The following THSD7A variants were observed in gnomAD, a reference collection of about 807,000 sequenced individuals.
THSD7A encodes thrombospondin type-1 domain-containing protein 7A.
THSD7A carries 96 observed loss-of-function variants against 231.3 expected under a neutral mutation model. The observed-to-expected ratio is 0.41, with a 90% CI of 0.35 to 0.49. The LOEUF is 0.49. Ranked by LOEUF, THSD7A falls within the 20% of genes least tolerant of loss-of-function variation. The pLI, the probability that THSD7A is intolerant of heterozygous loss-of-function variation, is 0.05. For synonymous variants in THSD7A, 940 were observed against 743.3 expected (o/e 1.26, Z -4.30); for missense variants, 2,290 against 2,070.2 (o/e 1.11, Z -2.06).
chr7:11,592,951 T>A (rs1780221816), intron 3 of THSD7A, among the ~76,000 whole-genome samples: 1 of 152,120 alleles, frequency 6.6e-6, no homozygotes, highest in Non-Finnish European at 1.5e-5. Context: ...GTTGAGTCAT[T>A]GCAATAGAGA....
At chr7:11,787,544 T>C (rs1286895519) in intron 1 of THSD7A, among the ~76,000 whole-genome samples, 1 of 152,022 alleles carries the variant, frequency 6.6e-6, no homozygotes, top group Non-Finnish European at 1.5e-5. Flanking sequence ...TACAAAGAAC[T>C]CTTAAAGCTC....
At chr7:11,780,923 G>A (rs376172466) in intron 1 of THSD7A, among the ~76,000 whole-genome samples, 13 of 135,676 alleles carry the variant, frequency 9.6e-5, no homozygotes, top group East Asian at 4.7e-4. Flanking sequence ...CCCGGGAAGC[G>A]GAGCTTGCAG....
At position 11,788,840 on chromosome 7, in the gene THSD7A, T is replaced by C. The variant is rs935962084; in HGVS notation, c.190+42917A>G. Among the ~76,000 whole-genome samples the C allele has an allele frequency of 2.6e-5, 4 of 152,020 alleles. No homozygotes were observed. In the South Asian group the frequency reaches 6.2e-4, roughly 24 times the overall value. ...GTTTAAATGAATTAATACATGGCTA[T>C]AGTCAGCACTAAGTACAGACTCAGT... is the stretch of plus-strand genomic sequence containing the variant. On this transcript the variant is annotated intron_variant, in intron 1 of 27. Coordinates refer to ENST00000423059, the MANE Select transcript of THSD7A (RefSeq NM_015204.3).
chr7:11,670,476 G>T (rs997869714), intron 1 of THSD7A, among the ~76,000 whole-genome samples: 1 of 152,214 alleles, frequency 6.6e-6, no homozygotes, highest in Admixed American at 6.6e-5. Context: ...TCAAGAGTTT[G>T]CCTTAGGGCT....
intron 6 of THSD7A, among the ~76,000 whole-genome samples, chr7:11,538,656 G>A (rs1789015753): frequency 6.6e-6 from 1 of 152,152 alleles, no homozygotes; most frequent in Non-Finnish European, 1.5e-5. Context: ...ATGAAGTAAT[G>A]AGCAATATTT....
intron 6 of THSD7A, among the ~76,000 whole-genome samples, chr7:11,492,852 A>G (rs1211602723): frequency 1.3e-5 from 2 of 152,090 alleles, no homozygotes; most frequent in Non-Finnish European, 2.9e-5. Context: ...AACCGTAAAG[A>G]CTAGCCTAAG....
rs1191025149 is a variant in THSD7A at position 11,460,753 on chromosome 7, G to A, written c.2514C>T (p.His838=). The A allele has an allele frequency of 1.2e-6, 2 of 1,611,776 alleles. No homozygotes were observed. The highest frequency in any genetic ancestry group is 2.2e-5 in the East Asian group (1 of 44,688). ...QACQSYRWKT[H]KWRRCQLVPW... ...GGACTAATTGGCATCTGCGCCATTT[G>A]TGAGTCTTCCACCTACAAGACAGGA... Residue 838 remains histidine, a synonymous_variant, in exon 11 of 28, where the codon CAC becomes CAT. Coordinates refer to ENST00000423059, the MANE Select transcript of THSD7A (RefSeq NM_015204.3).
intron 1 of THSD7A, among the ~76,000 whole-genome samples, chr7:11,789,282 G>A (rs955141709): frequency 6.6e-6 from 1 of 152,014 alleles, no homozygotes; most frequent in South Asian, 2.1e-4. Context: ...CATGTAGGCC[G>A]TTGCTGGTAA....
chr7:11,464,925 C>A (rs1470538385), intron 9 of THSD7A, among the ~76,000 whole-genome samples: 1 of 152,074 alleles, frequency 6.6e-6, no homozygotes, highest in Non-Finnish European at 1.5e-5. Flanking sequence ...GTTATACAGT[C>A]CTCAGATCAG....
intron 1 of THSD7A, among the ~76,000 whole-genome samples, chr7:11,705,046 T>C (rs2128146236): frequency 6.6e-6 from 1 of 151,194 alleles, no homozygotes; most frequent in East Asian, 2.0e-4. Flanking sequence ...CTCCAAATAC[T>C]ATCACTGATA....
intron 6 of THSD7A, among the ~76,000 whole-genome samples, chr7:11,496,581 C>T (rs550672155): frequency 6.6e-6 from 1 of 152,182 alleles, no homozygotes; most frequent in South Asian, 2.1e-4. Flanking sequence ...GATATTCCTC[C>T]ACAGCATTGT....
In THSD7A at chr7:11,705,030, T is replaced by C. The variant is rs550705036; in HGVS notation, c.191-68069A>G. On this transcript the variant is annotated intron_variant, in intron 1 of 27. Coordinates refer to ENST00000423059, the MANE Select transcript of THSD7A (RefSeq NM_015204.3). ...GTCAGAACTAAGTGTCTTTTAAAAA[T>C]ATATACTCCAAATACTATCACTGAT... Among the ~76,000 whole-genome samples the C allele has an allele frequency of 1.3e-3, 202 of 151,232 alleles. 1 individual carries two copies. The highest frequency in any genetic ancestry group is 3.6e-3 in the Admixed American group (54 of 15,148).
At chr7:11,541,377 G>T in intron 6 of THSD7A, 42 bp downstream of exon 6, 1 of 1,573,766 alleles carries the variant, frequency 6.4e-7, no homozygotes, top group Non-Finnish European at 8.7e-7. Context: ...ATATATGCAG[G>T]GTTGGACATC....
chr7:11,654,390 C>G (rs1782632017), intron 1 of THSD7A, among the ~76,000 whole-genome samples: 1 of 151,810 alleles, frequency 6.6e-6, no homozygotes, highest in African/African-American at 2.4e-5. Flanking sequence ...GGAATGTCAC[C>G]CAATAAAGCA....
chr7:11,534,977 C>T (rs559136171), intron 6 of THSD7A, among the ~76,000 whole-genome samples: 6 of 152,116 alleles, frequency 3.9e-5, no homozygotes, highest in Non-Finnish European at 8.8e-5. Flanking sequence ...GACCACATCT[C>T]TAAAAGGAAA....
chr7:11,449,076 C>A (rs1785064454), intron 11 of THSD7A, among the ~76,000 whole-genome samples: 1 of 152,088 alleles, frequency 6.6e-6, no homozygotes, highest in South Asian at 2.1e-4. Context: ...TCATGTCTGG[C>A]TGCAGATTAT....
intron 6 of THSD7A, among the ~76,000 whole-genome samples, chr7:11,503,087 C>G (rs1787403169): frequency 6.6e-6 from 1 of 152,152 alleles, no homozygotes; most frequent in African/African-American, 2.4e-5. Context: ...GTGACCAAAA[C>G]AGCATGGTAC....
At position 11,771,288 on chromosome 7, in the gene THSD7A, A is replaced by G. The variant is rs549736922; in HGVS notation, c.190+60469T>C. Among the ~76,000 whole-genome samples the G allele has an allele frequency of 7.9e-5, 12 of 151,874 alleles. No individual in the cohort carries two copies. In the East Asian group the frequency reaches 2.3e-3, roughly 29 times the overall value. ...TAGGCACATCTAATAATAAAGATGA[A>G]TAAGTGATCACAACGATCAATAATC... On this transcript the variant is annotated intron_variant, in intron 1 of 27. Transcript: ENST00000423059.
intron 17 of THSD7A, chr7:11,414,066 C>G (rs1354125905): frequency 6.6e-6 from 1 of 152,248 alleles, no homozygotes; most frequent in African/African-American, 2.4e-5. Flanking sequence ...CTATTAAACT[C>G]TTTCTTTACT....
Sources: allele counts gnomAD v4.1 joint callset (sites outside exome capture counted in the v4.1 genomes callset), GRCh38; gene constraint gnomAD v4.1.1; transcripts MANE v1.5; gene names NCBI Gene and HGNC (gene_info 2026-07-23, HGNC 2026-07-21).